The following ANKRD35 variants were observed in gnomAD, a reference collection of about 807,000 sequenced individuals.
The protein encoded by ANKRD35 is ankyrin repeat domain 35.
In ANKRD35, 102 loss-of-function variants were observed where a neutral mutation model predicts 109.9. That is an observed-to-expected ratio of 0.93 (90% CI 0.79 to 1.09). ANKRD35 has a LOEUF of 1.09. Ranked by LOEUF, ANKRD35 falls within the 50% of genes least tolerant of loss-of-function variation. The probability of loss-of-function intolerance (pLI) is 0.00; values close to 1 mark genes in which losing one functional copy is unlikely to be tolerated. For missense variants in ANKRD35, 1,240 were observed against 1,230.1 expected, an observed-to-expected ratio of 1.01 and a Z score of -0.12; for synonymous variants, 515 against 512.4, an observed-to-expected ratio of 1.01 and a Z score of -0.07.
chr1:145,877,220 G>A (rs1174511142), intron 4 of ANKRD35, among the ~76,000 whole-genome samples: 1 of 150,672 alleles, frequency 6.6e-6, no homozygotes, highest in Non-Finnish European at 1.5e-5. Flanking sequence ...CTGATGGCCG[G>A]TTAAGATAAC....
At chr1:145,876,476 C>G (rs1553740126) in intron 6 of ANKRD35, 93 bp downstream of exon 6, 1 of 1,459,912 alleles carries the variant, frequency 6.8e-7, no homozygotes, top group Non-Finnish European at 9.6e-7. Flanking sequence ...GGTGCTAACA[C>G]AGCCCTAGGT....
At position 145,867,303 on chromosome 1, in the gene ANKRD35, TC is replaced by T; in HGVS notation, c.*26del. The T allele has an allele frequency of 6.2e-7, 1 of 1,608,398 alleles. No individual in the cohort carries two copies. The highest frequency in any genetic ancestry group is 8.5e-7 in the Non-Finnish European group (1 of 1,175,032). ...ACAACTCACAACAGAGAATCTCGTA[TC>T]CCTGAGGGCACACAGTGAGGCTGCC... On this transcript the variant is annotated 3_prime_UTR_variant, in exon 13 of 14. Transcript: ENST00000355594.
At chr1:145,869,037 A>G (rs1653708368) in intron 10 of ANKRD35, among the ~76,000 whole-genome samples, 1 of 152,122 alleles carries the variant, frequency 6.6e-6, no homozygotes, top group African/African-American at 2.4e-5. Context: ...CTAATTTTGT[A>G]TATGGGCTTA....
chr1:145,877,925 A>G, intron 4 of ANKRD35, 43 bp downstream of exon 4: 1 of 1,585,664 alleles, frequency 6.3e-7, no homozygotes, highest in Non-Finnish European at 8.7e-7. Context: ...CTCTGGGACC[A>G]CTTCTTCCCT....
Position 145,873,712 on chromosome 1 carries a change from T to C in ANKRD35, c.1057A>G (p.Arg353Gly). The change falls in exon 10 of 14, where the codon AGA becomes GGA. Residue 353 changes from arginine (R) to glycine (G), a missense_variant. Arg to Gly is a moderately radical substitution (Grantham distance 125). Transcript: ENST00000355594. ...CTAGAGCCTTGCTTTCCTGAAGCTCTGGGCTCCCAGGATAGGAGGACCCCT... is the reference window on the plus strand; with the variant it reads ...CTAGAGCCTTGCTTTCCTGAAGCTCCGGGCTCCCAGGATAGGAGGACCCCT... ...ELGVLLSWEP[R>G]ASGKQGSSLR... The C allele has an allele frequency of 6.2e-7, 1 of 1,614,048 alleles. No homozygotes were observed. Among genetic ancestry groups the C allele is most frequent in the Non-Finnish European group, 8.5e-7 (1 of 1,179,956 alleles).
Position 145,879,337 on chromosome 1 carries a change from C to T in ANKRD35, c.91G>A (p.Gly31Arg). 1 of 1,608,708 alleles carries T rather than the reference C, an allele frequency of 6.2e-7. No individual in the cohort carries two copies. ...DQKLLEAVHR[G>R]DVGRVAALAS... ...AGGGCAGCCACGCGTCCCACATCCC[C>T]CCTGTGCACTGCCTCCAGCAGCTTC... is the stretch of plus-strand genomic sequence containing the variant. Residue 31 changes from glycine to arginine, a missense_variant, in exon 2 of 14, where the codon GGG (glycine) becomes AGG (arginine). Transcript: ENST00000355594.
At position 145,872,660 on chromosome 1, in the gene ANKRD35, C is replaced by G. The variant is rs1553739036; in HGVS notation, c.2109G>C (p.Gly703=). 3.7e-6 allele frequency: 6 copies of G among 1,614,098 alleles called. No individual in the cohort carries two copies. In the Admixed American group the frequency reaches 8.3e-5, roughly 22 times the overall value. The change falls in exon 10 of 14, where the codon GGG becomes GGC. Residue 703 remains glycine, a synonymous_variant. Coordinates refer to ENST00000355594, the MANE Select transcript of ANKRD35 (RefSeq NM_144698.5). ...GGTCTGCGGGCAGGCAGTCCCACAGCCCTCGGAGACCGCTGCTCTGGGAGG... is the reference window on the plus strand; with the variant it reads ...GGTCTGCGGGCAGGCAGTCCCACAGGCCTCGGAGACCGCTGCTCTGGGAGG... ...LLASQSSGLR[G]LWDCLPADLV...
In ANKRD35 at chr1:145,874,176, C is replaced by A; in HGVS notation, c.762G>T (p.Gln254His). 6.2e-7 allele frequency: 1 copy of A among 1,614,092 alleles called. No individual in the cohort carries two copies. The highest frequency in any genetic ancestry group is 8.5e-7 in the Non-Finnish European group (1 of 1,179,972). ...RRRRGGQRLV[Q>H]HPDLASQASP... ...TTACCTGGGATGCGAGATCTGGGTG[C>A]TGGACTAGCCTCTGACCTATAAGAA... The change falls in exon 9 of 14, where the codon CAG becomes CAT. Residue 254 changes from glutamine (Q) to histidine (H), a missense_variant. Transcript: ENST00000355594.
Position 145,874,926 on chromosome 1 carries a change from G to A in ANKRD35, c.641C>T (p.Ala214Val), listed in dbSNP as rs781826624. The A allele has an allele frequency of 6.2e-7, 1 of 1,613,482 alleles. No individual in the cohort carries two copies. The highest frequency in any genetic ancestry group is 8.5e-7 in the Non-Finnish European group (1 of 1,179,800). The change falls in exon 8 of 14, where the codon GCT (alanine) becomes GTT (valine). Residue 214 changes from alanine (A) to valine (V), a missense_variant. By Grantham distance (64) the Ala-to-Val change is moderately conservative. Coordinates refer to ENST00000355594, the MANE Select transcript of ANKRD35 (RefSeq NM_144698.5). ...LLLSHGADAG[A>V]VDSTGHDALH... ...AGCATCATGCCCTGTGCTGTCCACA[G>A]CCCCCGCGTCAGCTCCGTGGCTCAG...
chr1:145,876,767 C>T (rs369189317), intron 5 of ANKRD35, 49 bp downstream of exon 5: 5 of 1,613,090 alleles, frequency 3.1e-6, no homozygotes, highest in Non-Finnish European at 4.2e-6. Flanking sequence ...CTCCCCTTTC[C>T]CACCCTGTAG....
At chr1:145,885,255 G>C (rs749683925) in intron 1 of ANKRD35, among the ~76,000 whole-genome samples, 5 of 152,152 alleles carry the variant, frequency 3.3e-5, no homozygotes, top group African/African-American at 9.7e-5. Flanking sequence ...AAACAGCAAG[G>C]ATAGAGCTAC....
intron 3 of ANKRD35, 75 bp downstream of exon 3, chr1:145,878,316 G>A: frequency 7.0e-7 from 1 of 1,433,350 alleles, no homozygotes; most frequent in Non-Finnish European, 9.6e-7. Context: ...TGTCCAGCAG[G>A]GCCCAGCACC....
intron 5 of ANKRD35, 77 bp downstream of exon 5, chr1:145,876,739 G>T: frequency 6.2e-7 from 1 of 1,609,510 alleles, no homozygotes; most frequent in Middle Eastern, 1.7e-4. Flanking sequence ...GGCCCTGGCT[G>T]CCCTTCCCTC....
Position 145,873,916 on chromosome 1 carries a change from G to T in ANKRD35, c.853C>A (p.Gln285Lys), listed in dbSNP as rs1200946472. The change falls in exon 10 of 14, where the codon CAA (glutamine) becomes AAA (lysine). Residue 285 changes from glutamine to lysine, a missense_variant. By Grantham distance (53) the Gln-to-Lys change is moderately conservative (BLOSUM62 1). Transcript: ENST00000355594. Reference sequence around the variant, plus strand: ...GGGTCTTCATCCTCCTTCTCCTCTTGCTCCTCTTCAGGCTCTGCTCTCCAT... The same window carrying T: ...GGGTCTTCATCCTCCTTCTCCTCTTTCTCCTCTTCAGGCTCTGCTCTCCAT... ...SSWRAEPEEE[Q>K]EEKEDEDPCS... is the part of the protein sequence containing the mutation. 1 of 1,614,020 alleles carries T rather than the reference G, an allele frequency of 6.2e-7. No individual in the cohort carries two copies. The highest frequency in any genetic ancestry group is 1.3e-5 in the African/African-American group (1 of 74,894).
chr1:145,870,313 C>T (rs1026095562), intron 10 of ANKRD35, among the ~76,000 whole-genome samples: 12 of 151,686 alleles, frequency 7.9e-5, no homozygotes, highest in African/African-American at 7.3e-5. Flanking sequence ...AGGATGGTCT[C>T]GATCTCCTGA....
chr1:145,873,972 T>C lies in ANKRD35; in HGVS notation c.797A>G (p.Glu266Gly). The C allele has an allele frequency of 6.2e-7, 1 of 1,614,000 alleles. No homozygotes were observed. Among genetic ancestry groups the C allele is most frequent in the Non-Finnish European group, 8.5e-7 (1 of 1,179,980 alleles). The part of the protein sequence containing the change: ...PDLASQASPS[E>G]PQAGSPPKSS... ...CTTAGGAGGAGAACCTGCCTGGGGC[T>C]CAGATGGAGAGGCCTATGTTGGAAA... The change falls in exon 10 of 14, where the codon GAG (glutamate) becomes GGG (glycine). Residue 266 changes from glutamate (E) to glycine (G), a missense_variant. Coordinates refer to ENST00000355594, the MANE Select transcript of ANKRD35 (RefSeq NM_144698.5).
chr1:145,868,100 C>A, intron 11 of ANKRD35, 44 bp from the exon 12 acceptor site: 1 of 1,598,132 alleles, frequency 6.3e-7, no homozygotes, highest in South Asian at 1.1e-5. Context: ...CACCCTCAGT[C>A]ACCCAAGCAT....
At chr1:145,867,684 C>T (rs587701450) in intron 12 of ANKRD35, among the ~76,000 whole-genome samples, 6 of 152,268 alleles carry the variant, frequency 3.9e-5, no homozygotes, top group South Asian at 2.1e-4. Context: ...GAGCAAGACA[C>T]CTACCTCTTC....
intron 12 of ANKRD35, 52 bp from the exon 13 acceptor site, chr1:145,867,444 G>C: frequency 6.6e-7 from 1 of 1,517,558 alleles, no homozygotes; most frequent in Non-Finnish European, 9.1e-7. Context: ...AAAATGGAGA[G>C]AGAGAGGTGA....
Sources: allele counts gnomAD v4.1 joint callset (sites outside exome capture counted in the v4.1 genomes callset), GRCh38; gene constraint gnomAD v4.1.1; transcripts MANE v1.5; gene names NCBI Gene and HGNC (gene_info 2026-07-23, HGNC 2026-07-21).